The following OVAAL variants were observed in gnomAD, a reference collection of about 807,000 sequenced individuals.
OVAAL encodes long intergenic non-protein coding RNA 1131.
intron 1 of OVAAL, among the ~76,000 whole-genome samples, chr1:180,561,591 A>G (rs1227213719): frequency 6.6e-6 from 1 of 152,166 alleles, no homozygotes; most frequent in African/African-American, 2.4e-5. Flanking sequence ...TTTCTCTGTC[A>G]TTGTTCATCT....
intron 1 of OVAAL, chr1:180,559,076 CT>C: frequency 1.3e-5 from 2 of 156,252 alleles, no homozygotes; most frequent in Non-Finnish European, 2.8e-5. Flanking sequence ...TCAAATAAAC[CT>C]TTTTCTTCCC....
chr1:180,560,073 A>G (rs755953368), intron 1 of OVAAL, among the ~76,000 whole-genome samples: 1 of 152,148 alleles, frequency 6.6e-6, no homozygotes, highest in Non-Finnish European at 1.5e-5. Flanking sequence ...GAGAAGATAC[A>G]TTAGTATTAT....
At chr1:180,563,766 G>T (rs68020735) in intron 2 of OVAAL, among the ~76,000 whole-genome samples, 2 of 152,042 alleles carry the variant, frequency 1.3e-5, no homozygotes, top group Admixed American at 6.5e-5. Context: ...GTTAAACTCC[G>T]CCATTTTGCC....
intron 1 of OVAAL, among the ~76,000 whole-genome samples, chr1:180,560,091 G>A (rs538098451): frequency 1.3e-5 from 2 of 152,184 alleles, no homozygotes; most frequent in South Asian, 4.1e-4. Flanking sequence ...TATTACAGAG[G>A]AAAAAAGTGA....
At chr1:180,560,738 T>C (rs529311281) in intron 1 of OVAAL, among the ~76,000 whole-genome samples, 43 of 152,316 alleles carry the variant, frequency 2.8e-4, no homozygotes, top group African/African-American at 1.0e-3. Context: ...ATTTACTTAG[T>C]TTACAAGCTG....
At chr1:180,560,274 T>C (rs1374956900) in intron 1 of OVAAL, among the ~76,000 whole-genome samples, 1 of 151,914 alleles carries the variant, frequency 6.6e-6, no homozygotes, top group African/African-American at 2.4e-5. Flanking sequence ...AGAGATAAAG[T>C]AGGTGATATC....
At chr1:180,561,480 A>G (rs1476527661) in intron 1 of OVAAL, among the ~76,000 whole-genome samples, 1 of 152,170 alleles carries the variant, frequency 6.6e-6, no homozygotes, top group Non-Finnish European at 1.5e-5. Context: ...ATATCTACAC[A>G]TGCTGACAGC....
chr1:180,560,130 T>C (rs983602827), intron 1 of OVAAL, among the ~76,000 whole-genome samples: 2 of 151,886 alleles, frequency 1.3e-5, no homozygotes, highest in Non-Finnish European at 2.9e-5. Flanking sequence ...TGACAAGAAT[T>C]AGTAAGTGGC....
intron 1 of OVAAL, among the ~76,000 whole-genome samples, chr1:180,561,749 G>A (rs1431984548): frequency 2.0e-5 from 3 of 152,072 alleles, no homozygotes; most frequent in Admixed American, 6.5e-5. Context: ...CTGGCCAGGT[G>A]CAGCGGCTCA....
intron 1 of OVAAL, among the ~76,000 whole-genome samples, chr1:180,559,520 A>C (rs1653163876): frequency 6.6e-6 from 1 of 152,206 alleles, no homozygotes; most frequent in African/African-American, 2.4e-5. Context: ...CAAAGCATTC[A>C]AGAGGTGACT....
exon 3 of OVAAL, chr1:180,566,278 G>C (rs1571623578): frequency 6.6e-6 from 1 of 152,264 alleles, no homozygotes; most frequent in African/African-American, 2.4e-5. Flanking sequence ...CGTCTCCCCA[G>C]TTCTCCTCTC....
At chr1:180,564,038 A>G (rs928978231) in intron 2 of OVAAL, among the ~76,000 whole-genome samples, 3 of 152,184 alleles carry the variant, frequency 2.0e-5, no homozygotes, top group Non-Finnish European at 4.4e-5. Context: ...GGATGACCAT[A>G]TAATTTATCA....
exon 3 of OVAAL, chr1:180,565,618 A>C (rs1054897206): frequency 1.3e-5 from 2 of 152,136 alleles, no homozygotes; most frequent in African/African-American, 4.8e-5. Flanking sequence ...TTGGAATTCA[A>C]CCCAATGAAC....
At chr1:180,565,319 T>A (rs1196228014) in exon 3 of OVAAL, 2 of 152,380 alleles carry the variant, frequency 1.3e-5, no homozygotes, top group Non-Finnish European at 2.9e-5. Flanking sequence ...ACTGGAGAAC[T>A]GTCTCTGCAG....
At chr1:180,563,317 T>A (rs1653238493) in intron 2 of OVAAL, among the ~76,000 whole-genome samples, 1 of 152,184 alleles carries the variant, frequency 6.6e-6, no homozygotes, top group African/African-American at 2.4e-5. Flanking sequence ...CCAAGTATAA[T>A]CTTGTCTTAC....
chr1:180,560,969 T>A (rs1376856862), intron 1 of OVAAL, among the ~76,000 whole-genome samples: 1 of 152,164 alleles, frequency 6.6e-6, no homozygotes, highest in African/African-American at 2.4e-5. Flanking sequence ...TGGTAAGTCA[T>A]CTTAGGGTAG....
chr1:180,559,788 C>A (rs569970287), intron 1 of OVAAL, among the ~76,000 whole-genome samples: 136 of 151,874 alleles, frequency 9.0e-4, no homozygotes, highest in South Asian at 7.5e-3. Context: ...TGCCTGTAAT[C>A]CCAGCTACTC....
intron 1 of OVAAL, chr1:180,562,096 C>G (rs1653215703): frequency 6.6e-6 from 1 of 152,202 alleles, no homozygotes. Context: ...GCAGGAGGAC[C>G]AGCCATCCAC....
chr1:180,563,738 C>T (rs552752175), intron 2 of OVAAL, among the ~76,000 whole-genome samples: 1 of 152,192 alleles, frequency 6.6e-6, no homozygotes, highest in East Asian at 1.9e-4. Flanking sequence ...TGACATGCCC[C>T]CAGAAGATCA....
Sources: allele counts gnomAD v4.1 joint callset (sites outside exome capture counted in the v4.1 genomes callset), GRCh38; gene constraint gnomAD v4.1.1; transcripts MANE v1.5; gene names NCBI Gene and HGNC (gene_info 2026-07-23, HGNC 2026-07-21).